RAP1A: variants seen among roughly 807,000 people sequenced by gnomAD.
RAP1A encodes ras-related protein Rap-1A.
In RAP1A, 6 loss-of-function variants were observed where a neutral mutation model predicts 26.4. The observed-to-expected ratio is 0.23, with a 90% CI of 0.12 to 0.45. RAP1A has a LOEUF of 0.45. Ranked by LOEUF, RAP1A falls within the 20% of genes least tolerant of loss-of-function variation. The pLI is 0.99. For missense variants in RAP1A, 121 were observed against 217.2 expected (o/e 0.56, Z 2.78); for synonymous variants, 73 against 79.4 (o/e 0.92, Z 0.43).
intron 1 of RAP1A, among the ~76,000 whole-genome samples, chr1:111,607,328 A>C (rs28462015): frequency 6.6e-6 from 1 of 152,096 alleles, no homozygotes; most frequent in East Asian, 1.9e-4. Context: ...CAGAGAGCAC[A>C]GGGTTGGGGG....
intron 1 of RAP1A, among the ~76,000 whole-genome samples, chr1:111,576,796 T>A (rs1267948158): frequency 6.6e-6 from 1 of 152,200 alleles, no homozygotes; most frequent in Non-Finnish European, 1.5e-5. Flanking sequence ...ACGAAGCTAC[T>A]AGGAGGTAGG....
At chr1:111,630,823 G>A (rs1402526622) in intron 1 of RAP1A, among the ~76,000 whole-genome samples, 1 of 152,152 alleles carries the variant, frequency 6.6e-6, no homozygotes, top group Non-Finnish European at 1.5e-5. Context: ...GAGGTTGATA[G>A]GGAACAGCTC....
At chr1:111,621,089 G>A (rs1302102275) in intron 1 of RAP1A, among the ~76,000 whole-genome samples, 1 of 152,142 alleles carries the variant, frequency 6.6e-6, no homozygotes, top group African/African-American at 2.4e-5. Flanking sequence ...AGCCCTACAG[G>A]TAGCCAGCCA....
chr1:111,613,849 G>T (rs1557865720), intron 1 of RAP1A, among the ~76,000 whole-genome samples: 1 of 152,188 alleles, frequency 6.6e-6, no homozygotes, highest in African/African-American at 2.4e-5. Flanking sequence ...CACATTTTGA[G>T]TGGCACTAAT....
At chr1:111,579,953 C>G (rs764566643) in intron 1 of RAP1A, among the ~76,000 whole-genome samples, 22 of 152,028 alleles carry the variant, frequency 1.4e-4, no homozygotes, top group Non-Finnish European at 2.2e-4. Flanking sequence ...CCATGCATGT[C>G]TGGCTAATAT....
At chr1:111,711,677 T>A (rs536716264) in intron 7 of RAP1A, among the ~76,000 whole-genome samples, 2 of 152,374 alleles carry the variant, frequency 1.3e-5, no homozygotes, top group South Asian at 2.1e-4. Flanking sequence ...GTTCCTGTAC[T>A]TTTAAAAGTA....
intron 5 of RAP1A, among the ~76,000 whole-genome samples, chr1:111,704,127 C>T (rs979069391): frequency 6.7e-6 from 1 of 150,142 alleles, no homozygotes; most frequent in African/African-American, 2.5e-5. Context: ...TTTGGCATAT[C>T]TATGTAGTAG....
At chr1:111,652,493 T>A (rs1260917509) in intron 1 of RAP1A, among the ~76,000 whole-genome samples, 2 of 151,940 alleles carry the variant, frequency 1.3e-5, no homozygotes, top group Non-Finnish European at 2.9e-5. Context: ...TTTTTTTTTT[T>A]AAATAAGAAA....
intron 5 of RAP1A, among the ~76,000 whole-genome samples, chr1:111,704,029 C>T (rs992094042): frequency 1.2e-4 from 19 of 152,128 alleles, no homozygotes; most frequent in Non-Finnish European, 1.2e-4. Flanking sequence ...TCTCAGGCTC[C>T]TGAGCTCAAG....
intron 1 of RAP1A, among the ~76,000 whole-genome samples, chr1:111,684,980 A>G (rs746081711): frequency 2.0e-4 from 30 of 152,302 alleles, no homozygotes; most frequent in South Asian, 1.7e-3. Flanking sequence ...ATAACACCAC[A>G]TATCTACAAC....
chr1:111,579,327 C>A (rs1044755852), intron 1 of RAP1A, among the ~76,000 whole-genome samples: 5 of 152,098 alleles, frequency 3.3e-5, no homozygotes, highest in African/African-American at 4.8e-5. Flanking sequence ...TTATGAATAA[C>A]AAAGATGTTC....
intron 1 of RAP1A, among the ~76,000 whole-genome samples, chr1:111,626,370 TACACACACAC>T (rs3084315): frequency 1.9e-4 from 29 of 149,392 alleles, no homozygotes; most frequent in Admixed American, 3.3e-4. Context: ...TATGTATACA[TACACACACAC>T]ACACACACAC....
chr1:111,704,035 T>TCAAGCAGTC (rs1275807694), intron 5 of RAP1A, among the ~76,000 whole-genome samples: 1 of 152,110 alleles, frequency 6.6e-6, no homozygotes, highest in Non-Finnish European at 1.5e-5. Context: ...GCTCCTGAGC[T>TCAAGCAGTC]CAAGCAGTCC....
chr1:111,547,656 T>A (rs184522780), intron 1 of RAP1A, among the ~76,000 whole-genome samples: 1 of 152,326 alleles, frequency 6.6e-6, no homozygotes, highest in East Asian at 1.9e-4. Context: ...TGGTGCCTTT[T>A]ACAGATTTTT....
At chr1:111,693,670 A>T (rs925382548) in intron 2 of RAP1A, among the ~76,000 whole-genome samples, 1 of 152,212 alleles carries the variant, frequency 6.6e-6, no homozygotes, top group African/African-American at 2.4e-5. Context: ...TAGAAGGCAC[A>T]TGGGCTCTTT....
intron 1 of RAP1A, among the ~76,000 whole-genome samples, chr1:111,610,818 T>C (rs1259107661): frequency 6.6e-6 from 1 of 152,378 alleles, no homozygotes; most frequent in South Asian, 2.1e-4. Flanking sequence ...CAAGCATTTA[T>C]TGAGTGCTTA....
intron 1 of RAP1A, among the ~76,000 whole-genome samples, chr1:111,671,349 A>G (rs915464441): frequency 6.6e-5 from 10 of 152,232 alleles, no homozygotes; most frequent in Non-Finnish European, 1.0e-4. Context: ...CACAAATGAA[A>G]GTTGCTGTAT....
Position 111,619,954 on chromosome 1 carries a change from C to T in RAP1A, c.-28+20C>T, listed in dbSNP as rs1168944040. On this transcript the variant is annotated intron_variant, in intron 1 of 7. Transcript: ENST00000369709. ...GGGGGGGTGAGTAAGGGGCGGGGAG[C>T]TCCAGACGGCCCCAGAGGGAGCGGG... 6 of 396,832 alleles carry T rather than the reference C, an allele frequency of 1.5e-5. No individual in the cohort carries two copies. The highest frequency in any genetic ancestry group is 2.7e-5 in the Non-Finnish European group (6 of 225,158). The allele number at this position is 396,832 out of a possible 1,614,324, so 24.6% of individuals were successfully genotyped here.
At chr1:111,611,386 G>A (rs1437201980) in intron 1 of RAP1A, among the ~76,000 whole-genome samples, 1 of 152,122 alleles carries the variant, frequency 6.6e-6, no homozygotes, top group Non-Finnish European at 1.5e-5. Context: ...TAAAAGTTGT[G>A]TTAGCTCAGT....
Sources: allele counts gnomAD v4.1 joint callset (sites outside exome capture counted in the v4.1 genomes callset), GRCh38; gene constraint gnomAD v4.1.1; transcripts MANE v1.5; gene names NCBI Gene and HGNC (gene_info 2026-07-23, HGNC 2026-07-21).